The following FAAH2 variants were observed in gnomAD, a reference collection of about 807,000 sequenced individuals.
FAAH2 encodes fatty acid amide hydrolase 2, also known as fatty-acid amide hydrolase 2.
FAAH2 carries 60 observed loss-of-function variants against 36.9 expected under a neutral mutation model. The observed-to-expected ratio is 1.63, with a 90% confidence interval of 1.32 to 2.02. The LOEUF (loss-of-function observed/expected upper bound fraction) is 2.02. Ranked by LOEUF, FAAH2 falls within the 30% of genes most tolerant of loss-of-function variation. The pLI, the probability that FAAH2 is intolerant of heterozygous loss-of-function variation, is 0.00. For synonymous variants in FAAH2, 214 were observed against 143.8 expected (o/e 1.49, Z -3.49); for missense variants, 689 against 397.5 (o/e 1.73, Z -6.23).
intron 3 of FAAH2, among the ~76,000 whole-genome samples, chrX:57,330,895 G>T (rs1342593259): frequency 9.0e-6 from 1 of 110,550 alleles, no homozygotes; most frequent in East Asian, 2.9e-4. Flanking sequence ...CACCTGACAG[G>T]TCAGGAATTG....
At chrX:57,240,191 G>T in the FAAH2 span, among the ~76,000 whole-genome samples, 1 of 111,659 alleles carries the variant, frequency 9.0e-6, no homozygotes, top group Non-Finnish European at 1.9e-5. Context: ...GCTCTTCTTT[G>T]TATGGTGCTT....
chrX:57,375,782 G>T (rs1234040508), intron 5 of FAAH2, among the ~76,000 whole-genome samples: 1 of 111,240 alleles, frequency 9.0e-6, no homozygotes, highest in Non-Finnish European at 1.9e-5. Flanking sequence ...TTAATGCTTT[G>T]ATTGTCCTAT....
the FAAH2 span, among the ~76,000 whole-genome samples, chrX:57,183,949 G>T: frequency 9.1e-6 from 1 of 110,276 alleles, no homozygotes; most frequent in Non-Finnish European, 1.9e-5. Context: ...AGCCACTCTG[G>T]GAATGTCTGT....
At chrX:57,249,641 G>A in the FAAH2 span, among the ~76,000 whole-genome samples, 1 of 112,038 alleles carries the variant, frequency 8.9e-6, no homozygotes, top group Non-Finnish European at 1.9e-5. Flanking sequence ...GCCAGTTACA[G>A]AAATAAACTC....
chrX:57,432,674 T>C (rs963321495), intron 8 of FAAH2, among the ~76,000 whole-genome samples: 9 of 111,556 alleles, frequency 8.1e-5, no homozygotes, highest in Non-Finnish European at 1.5e-4. Flanking sequence ...CTTTGAGAAC[T>C]ATAAGATAAA....
chrX:57,382,919 A>T (rs1049463834), intron 7 of FAAH2, among the ~76,000 whole-genome samples: 1 of 111,696 alleles, frequency 9.0e-6, no homozygotes, highest in Non-Finnish European at 1.9e-5. Flanking sequence ...TCGATGCAAA[A>T]ATCCTAAATA....
At chrX:57,170,627 C>T in the FAAH2 span, among the ~76,000 whole-genome samples, 3 of 109,988 alleles carry the variant, frequency 2.7e-5, no homozygotes, top group Admixed American at 1.9e-4. Flanking sequence ...TCCAATATAC[C>T]ACTCTGTATG....
At chrX:57,157,309 G>A in the FAAH2 span, among the ~76,000 whole-genome samples, 1 of 111,796 alleles carries the variant, frequency 8.9e-6, no homozygotes, top group Non-Finnish European at 1.9e-5. Context: ...AATGACTGTA[G>A]TCATGATGGC....
chrX:57,221,664 A>T, the FAAH2 span, among the ~76,000 whole-genome samples: 1 of 111,146 alleles, frequency 9.0e-6, no homozygotes, highest in East Asian at 2.8e-4. Context: ...TTCCTTACCC[A>T]TATACTTTAC....
At chrX:57,440,321 C>T (rs1221763362) in intron 8 of FAAH2, among the ~76,000 whole-genome samples, 2 of 111,186 alleles carry the variant, frequency 1.8e-5, no homozygotes, top group Non-Finnish European at 1.9e-5. Flanking sequence ...CTTCACATCC[C>T]CTGTAGGCTG....
At chrX:57,215,906 C>CATATATATATATATATATATATATAT in the FAAH2 span, among the ~76,000 whole-genome samples, 6 of 89,533 alleles carry the variant, frequency 6.7e-5, no homozygotes, top group African/African-American at 2.4e-4. Context: ...CCATGGCACT[C>CATATATATATATATATATATATATAT]ATATATATAT....
intron 2 of FAAH2, 127 bp downstream of exon 2, chrX:57,292,707 C>A (rs929136328): frequency 2.0e-5 from 9 of 451,894 alleles, no homozygotes; most frequent in African/African-American, 1.0e-4. Flanking sequence ...TCACTGGGAA[C>A]TTCTCTGACT....
intron 5 of FAAH2, among the ~76,000 whole-genome samples, chrX:57,368,787 AT>A (rs1357778998): frequency 9.0e-6 from 1 of 111,447 alleles, no homozygotes; most frequent in Non-Finnish European, 1.9e-5. Context: ...ATGCATGGGT[AT>A]TAATATAGGG....
the FAAH2 span, among the ~76,000 whole-genome samples, chrX:57,163,738 C>T: frequency 8.9e-6 from 1 of 112,099 alleles, no homozygotes; most frequent in African/African-American, 3.2e-5. Flanking sequence ...GATGCGTGCA[C>T]CCACTGACCT....
chrX:57,210,530 A>G, the FAAH2 span, among the ~76,000 whole-genome samples: 1 of 112,445 alleles, frequency 8.9e-6, no homozygotes, highest in African/African-American at 3.2e-5. Context: ...AATTTCAACA[A>G]TGAAGTAAAA....
the FAAH2 span, among the ~76,000 whole-genome samples, chrX:57,268,104 T>TA: frequency 9.0e-6 from 1 of 111,347 alleles, no homozygotes; most frequent in Non-Finnish European, 1.9e-5. Flanking sequence ...AAAATTATGA[T>TA]AAAAAATTAC....
chrX:57,457,985 C>T (rs1330396502), intron 10 of FAAH2, among the ~76,000 whole-genome samples: 1 of 111,716 alleles, frequency 9.0e-6, no homozygotes. Flanking sequence ...ACCTCAACAG[C>T]TAAAGCAATA....
chrX:57,355,031 T>C (rs779934669), intron 5 of FAAH2, among the ~76,000 whole-genome samples: 1 of 110,932 alleles, frequency 9.0e-6, no homozygotes, highest in Non-Finnish European at 1.9e-5. Flanking sequence ...CTCTACTAAG[T>C]AGGTATTACA....
At chrX:57,256,110 C>T in the FAAH2 span, among the ~76,000 whole-genome samples, 1 of 112,060 alleles carries the variant, frequency 8.9e-6, no homozygotes, top group African/African-American at 3.2e-5. Flanking sequence ...GCAAAAATCA[C>T]AAGCATTGCT....
Sources: gnomAD v4.1 joint callset for allele counts (sites outside exome capture counted in the v4.1 genomes callset) on GRCh38, gnomAD v4.1.1 for gene constraint, MANE v1.5 for transcripts, NCBI Gene and HGNC (gene_info 2026-07-23, HGNC 2026-07-21) for gene names.